Variants in OLFM3 observed in about 807,000 individuals in gnomAD.
OLFM3 encodes olfactomedin 3, also known as noelin-3.
In OLFM3, 20 loss-of-function variants were observed where a neutral mutation model predicts 48.6. The observed-to-expected ratio is 0.41, with a 90% CI of 0.29 to 0.60. OLFM3 has a LOEUF of 0.60. Ranked by LOEUF, OLFM3 falls within the 20% of genes least tolerant of loss-of-function variation. OLFM3 has a pLI of 0.28. For missense variants in OLFM3, 437 were observed against 544.3 expected, an observed-to-expected ratio of 0.80 and a Z score of 1.96; for synonymous variants, 222 against 198.1, an observed-to-expected ratio of 1.12 and a Z score of -1.01.
intron 1 of OLFM3, among the ~76,000 whole-genome samples, chr1:101,837,410 A>G (rs1357076913): frequency 6.6e-6 from 1 of 152,116 alleles, no homozygotes; most frequent in Admixed American, 6.5e-5. Flanking sequence ...AATTACTAAT[A>G]TTAATATATT....
At chr1:101,892,721 TG>T (rs1236227674) in intron 1 of OLFM3, among the ~76,000 whole-genome samples, 1 of 152,046 alleles carries the variant, frequency 6.6e-6, no homozygotes, top group African/African-American at 2.4e-5. Context: ...TAGCCACCAT[TG>T]TGGCTGATGC....
Position 101,870,057 on chromosome 1 carries a change from A to G in OLFM3, c.70-33032T>C, listed in dbSNP as rs770327642. ...TGTAATGCCAGAAATATATTAATGC[A>G]CTATTCAAAAATATTAGCTGTTAAC... is the stretch of plus-strand genomic sequence containing the variant. On this transcript the variant is annotated intron_variant, in intron 1 of 5. Coordinates refer to ENST00000370103, the MANE Select transcript of OLFM3 (RefSeq NM_058170.4). 1.7e-4 allele frequency among the ~76,000 whole-genome samples: 26 copies of G among 152,318 alleles called. No individual in the cohort carries two copies. The South Asian group carries it at 1.9e-3, about 11-fold the overall frequency.
chr1:101,894,208 T>A lies in OLFM3; in HGVS notation c.70-57183A>T, dbSNP rs548416505. On this transcript the variant is annotated intron_variant, in intron 1 of 5. Coordinates refer to ENST00000370103, the MANE Select transcript of OLFM3 (RefSeq NM_058170.4). ...AAAGGAAGAATAAATACAATTTTTT[T>A]AAAAGTTGACAAGGATGAGCATGGC... is the stretch of plus-strand genomic sequence containing the variant. 3.3e-5 allele frequency among the ~76,000 whole-genome samples: 5 copies of A among 152,256 alleles called. No individual in the cohort carries two copies. The South Asian group carries it at 1.0e-3, about 32-fold the overall frequency.
intron 1 of OLFM3, among the ~76,000 whole-genome samples, chr1:101,841,815 T>G (rs1570550426): frequency 6.6e-6 from 1 of 152,238 alleles, no homozygotes. Context: ...GGGATATAGC[T>G]ACTGAAAGTG....
intron 1 of OLFM3, among the ~76,000 whole-genome samples, chr1:101,927,480 G>C (rs1659307694): frequency 2.0e-5 from 3 of 151,900 alleles, no homozygotes; most frequent in African/African-American, 7.2e-5. Context: ...ATGATTATCT[G>C]GTAAGAAGAT....
At chr1:101,903,946 T>G (rs1182115106) in intron 1 of OLFM3, among the ~76,000 whole-genome samples, 1 of 152,130 alleles carries the variant, frequency 6.6e-6, no homozygotes, top group African/African-American at 2.4e-5. Context: ...ACTGGACACC[T>G]CTAAATTTAT....
chr1:101,989,682 T>C (rs995032246), intron 1 of OLFM3, among the ~76,000 whole-genome samples: 1 of 108,596 alleles, frequency 9.2e-6, no homozygotes, highest in African/African-American at 3.1e-5. Flanking sequence ...ACTGGATGAG[T>C]AACATCAGCA....
chr1:101,989,211 C>A (rs139781616), intron 1 of OLFM3, among the ~76,000 whole-genome samples: 322 of 152,192 alleles, frequency 2.1e-3, no homozygotes, highest in African/African-American at 7.3e-3. Context: ...CATCTGCAAT[C>A]TTCTCTCTAA....
At chr1:101,810,354 T>C (rs1345298430) in intron 4 of OLFM3, among the ~76,000 whole-genome samples, 1 of 151,994 alleles carries the variant, frequency 6.6e-6, no homozygotes, top group Non-Finnish European at 1.5e-5. Flanking sequence ...AGCATGTTAA[T>C]ATAAATATAG....
At chr1:101,923,842 A>G (rs1659177906) in intron 1 of OLFM3, among the ~76,000 whole-genome samples, 1 of 152,138 alleles carries the variant, frequency 6.6e-6, no homozygotes. Flanking sequence ...AATATTCTAT[A>G]TCATTTCTTC....
intron 4 of OLFM3, chr1:101,813,071 G>C (rs1197839722): frequency 2.9e-5 from 37 of 1,277,898 alleles, no homozygotes; most frequent in Non-Finnish European, 3.7e-5. Flanking sequence ...GCGTGTTATA[G>C]CTTCCCAAAA....
At chr1:101,891,131 T>C (rs1179990854) in intron 1 of OLFM3, among the ~76,000 whole-genome samples, 1 of 152,026 alleles carries the variant, frequency 6.6e-6, no homozygotes, top group Admixed American at 6.6e-5. Flanking sequence ...GTCAGCACCC[T>C]GTAGACTGTT....
At position 101,990,475 on chromosome 1, in the gene OLFM3, C is replaced by A. The variant is rs571754060; in HGVS notation, c.69+6273G>T. ...AATATGTTTTCACATGTATTAATAT[C>A]ATAAATAATTGTATAAGCTCCATTG... On this transcript the variant is annotated intron_variant, in intron 1 of 5. Transcript: ENST00000370103. 1.1e-4 allele frequency among the ~76,000 whole-genome samples: 16 copies of A among 152,168 alleles called. No homozygotes were observed. The South Asian group carries it at 3.3e-3, about 32-fold the overall frequency.
At chr1:101,894,624 G>T (rs1658128719) in intron 1 of OLFM3, among the ~76,000 whole-genome samples, 1 of 152,150 alleles carries the variant, frequency 6.6e-6, no homozygotes, top group East Asian at 1.9e-4. Flanking sequence ...GTTTTAAAGA[G>T]AAATAGAGTA....
At chr1:101,892,400 G>A (rs1658035342) in intron 1 of OLFM3, among the ~76,000 whole-genome samples, 1 of 139,366 alleles carries the variant, frequency 7.2e-6, no homozygotes, top group South Asian at 2.2e-4. Flanking sequence ...CTTATGAGCA[G>A]CAACAACTGA....
chr1:101,830,927 G>A, intron 2 of OLFM3, 100 bp from the exon 3 acceptor site: 2 of 985,202 alleles, frequency 2.0e-6, no homozygotes, highest in East Asian at 2.5e-5. Flanking sequence ...AACTAGAAGT[G>A]CCAAATTCAT....
intron 1 of OLFM3, among the ~76,000 whole-genome samples, chr1:101,904,120 C>G (rs541107816): frequency 6.6e-6 from 1 of 152,002 alleles, no homozygotes; most frequent in African/African-American, 2.4e-5. Context: ...TTTGTTGACT[C>G]AGTCATCCTT....
chr1:101,809,302 G>A (rs952650569), intron 4 of OLFM3, among the ~76,000 whole-genome samples: 4 of 151,900 alleles, frequency 2.6e-5, no homozygotes, highest in African/African-American at 9.6e-5. Flanking sequence ...AAGATTAAGA[G>A]TAAATTGAAA....
At chr1:101,878,744 T>C (rs2100987005) in intron 1 of OLFM3, among the ~76,000 whole-genome samples, 1 of 151,968 alleles carries the variant, frequency 6.6e-6, no homozygotes, top group African/African-American at 2.4e-5. Flanking sequence ...GCAGAAAATC[T>C]TACTAGACAG....
Sources: gnomAD v4.1 joint callset for allele counts (sites outside exome capture counted in the v4.1 genomes callset) on GRCh38, gnomAD v4.1.1 for gene constraint, MANE v1.5 for transcripts, NCBI Gene and HGNC (gene_info 2026-07-23, HGNC 2026-07-21) for gene names.